Variants in WWOX observed in about 807,000 individuals in gnomAD.
WWOX encodes the protein WW domain-containing oxidoreductase.
In WWOX, 69 loss-of-function variants were observed where a neutral mutation model predicts 46.2. That is an observed-to-expected ratio of 1.49 (90% CI 1.23 to 1.82). WWOX has a LOEUF of 1.82. Ranked by LOEUF, WWOX falls within the 40% of genes most tolerant of loss-of-function variation. The pLI, the probability that WWOX is intolerant of heterozygous loss-of-function variation, is 0.00. For synonymous variants in WWOX, 359 were observed against 202.6 expected (o/e 1.77, Z -6.56); for missense variants, 919 against 542.6 (o/e 1.69, Z -6.89).
chr16:78,397,700 G>C (rs1220788305), intron 6 of WWOX, among the ~76,000 whole-genome samples: 1 of 152,184 alleles, frequency 6.6e-6, no homozygotes, highest in Non-Finnish European at 1.5e-5. Flanking sequence ...AGAAAGGTCA[G>C]TTCAAGGTTG....
chr16:78,755,723 C>A (rs977874909), intron 8 of WWOX, among the ~76,000 whole-genome samples: 1 of 152,090 alleles, frequency 6.6e-6, no homozygotes, highest in African/African-American at 2.4e-5. Flanking sequence ...TAGTTCAGTA[C>A]CCGCTATTAA....
At chr16:78,889,534 G>T (rs754966523) in intron 8 of WWOX, among the ~76,000 whole-genome samples, 1 of 152,162 alleles carries the variant, frequency 6.6e-6, no homozygotes, top group Admixed American at 6.5e-5. Context: ...CTATACGACA[G>T]CCATAAGTAT....
chr16:78,777,765 G>C (rs559846122), intron 8 of WWOX, among the ~76,000 whole-genome samples: 10 of 152,206 alleles, frequency 6.6e-5, no homozygotes, highest in South Asian at 2.1e-4. Context: ...CTCACATTTC[G>C]ACTGGGCCTG....
intron 8 of WWOX, among the ~76,000 whole-genome samples, chr16:78,956,451 G>C (rs2046168590): frequency 6.6e-6 from 1 of 152,032 alleles, no homozygotes; most frequent in Admixed American, 6.6e-5. Flanking sequence ...CACCACTCTA[G>C]GCCTGTATTT....
At chr16:78,911,179 C>G (rs1242608720) in intron 8 of WWOX, among the ~76,000 whole-genome samples, 7 of 151,918 alleles carry the variant, frequency 4.6e-5, no homozygotes, top group Non-Finnish European at 8.8e-5. Context: ...CTCCACCACA[C>G]CAGCCCACTT....
chr16:78,733,337 C>G (rs1016504448), intron 8 of WWOX, among the ~76,000 whole-genome samples: 2 of 151,994 alleles, frequency 1.3e-5, no homozygotes, highest in African/African-American at 4.8e-5. Flanking sequence ...TGTCTGTAGT[C>G]TCAGCTTCCC....
In WWOX at chr16:78,328,124, C is replaced by A. The variant is rs547832755; in HGVS notation, c.517-58736C>A. On this transcript the variant is annotated intron_variant, in intron 5 of 8. Transcript: ENST00000566780. ...CCTGGCCTCATGTGATTGCCCCAAC[C>A]TCAGCCTCCCAAAGTGTTGGGATTA... is the stretch of plus-strand genomic sequence containing the variant. Among the ~76,000 whole-genome samples, 14 of 152,072 alleles carry A rather than the reference C, an allele frequency of 9.2e-5. 1 individual carries two copies. Among genetic ancestry groups the A allele is most frequent in the Non-Finnish European group, 2.1e-4 (14 of 68,004 alleles).
intron 8 of WWOX, among the ~76,000 whole-genome samples, chr16:78,540,494 A>G (rs2043866049): frequency 6.6e-6 from 1 of 152,180 alleles, no homozygotes; most frequent in African/African-American, 2.4e-5. Flanking sequence ...GGGTAAAATG[A>G]GAAAAGGATT....
chr16:78,776,867 A>T (rs77432802), intron 8 of WWOX, among the ~76,000 whole-genome samples: 4,820 of 152,106 alleles, frequency 0.032, 262 homozygotes, highest in African/African-American at 0.11. Context: ...TCAAGAATAG[A>T]ATGGGGGAAC....
chr16:78,855,214 C>CCT (rs1455983373), intron 8 of WWOX, among the ~76,000 whole-genome samples: 1 of 152,058 alleles, frequency 6.6e-6, no homozygotes, highest in African/African-American at 2.4e-5. Flanking sequence ...ACAGGTTTGA[C>CCT]CTACAAAGTC....
chr16:78,156,193 T>C (rs2034591003), intron 4 of WWOX, among the ~76,000 whole-genome samples: 1 of 152,208 alleles, frequency 6.6e-6, no homozygotes, highest in African/African-American at 2.4e-5. Context: ...GGGTGGAAGC[T>C]TGAGCCTGTA....
At chr16:78,165,331 G>T (rs556182403) in intron 5 of WWOX, among the ~76,000 whole-genome samples, 11 of 152,208 alleles carry the variant, frequency 7.2e-5, no homozygotes, top group Admixed American at 7.2e-4. Context: ...GACAACAGAC[G>T]TTGCCACTGT....
At chr16:78,979,309 T>G (rs2046634983) in intron 8 of WWOX, among the ~76,000 whole-genome samples, 1 of 152,112 alleles carries the variant, frequency 6.6e-6, no homozygotes, top group Non-Finnish European at 1.5e-5. Flanking sequence ...CCTTCTAACC[T>G]TTATAGTTTT....
intron 8 of WWOX, among the ~76,000 whole-genome samples, chr16:78,841,664 A>C (rs1206664566): frequency 6.6e-6 from 1 of 152,222 alleles, no homozygotes; most frequent in Non-Finnish European, 1.5e-5. Context: ...CTTGAATCCA[A>C]ACCTATAAGT....
chr16:78,504,761 A>C (rs1036646341), intron 8 of WWOX, among the ~76,000 whole-genome samples: 2 of 152,074 alleles, frequency 1.3e-5, no homozygotes, highest in Non-Finnish European at 2.9e-5. Flanking sequence ...CCACGGACGC[A>C]TGAAGCCTCC....
intron 8 of WWOX, among the ~76,000 whole-genome samples, chr16:78,642,309 G>T (rs1226792544): frequency 6.6e-6 from 1 of 152,152 alleles, no homozygotes; most frequent in Admixed American, 6.5e-5. Flanking sequence ...GATAGGACTA[G>T]GAATCAGAGT....
chr16:78,307,833 C>G (rs1847775984), intron 5 of WWOX, among the ~76,000 whole-genome samples: 1 of 152,118 alleles, frequency 6.6e-6, no homozygotes, highest in African/African-American at 2.4e-5. Context: ...TCTCCTTTTA[C>G]TGAAAAGATA....
At position 78,917,232 on chromosome 16, in the gene WWOX, G is replaced by C. The variant is rs904113371; in HGVS notation, c.1057-294376G>C. Among the ~76,000 whole-genome samples the C allele has an allele frequency of 3.3e-5, 5 of 152,174 alleles. 1 individual carries two copies. The highest frequency in any genetic ancestry group is 3.3e-4 in the Admixed American group (5 of 15,282). On this transcript the variant is annotated intron_variant, in intron 8 of 8. Transcript: ENST00000566780. ...GATCTACCTTACAGCTGTTACTGCAGACCTCCCAAAGCTCACGAACTGAGA... is the reference window on the plus strand; with the variant it reads ...GATCTACCTTACAGCTGTTACTGCACACCTCCCAAAGCTCACGAACTGAGA...
intron 8 of WWOX, among the ~76,000 whole-genome samples, chr16:79,120,054 G>A (rs2049597147): frequency 6.6e-6 from 1 of 152,162 alleles, no homozygotes; most frequent in Non-Finnish European, 1.5e-5. Flanking sequence ...AACCGCAACT[G>A]CCTGCAGGAA....
Sources: allele counts gnomAD v4.1 joint callset (sites outside exome capture counted in the v4.1 genomes callset), GRCh38; gene constraint gnomAD v4.1.1; transcripts MANE v1.5; gene names NCBI Gene and HGNC (gene_info 2026-07-23, HGNC 2026-07-21).